The following DIPK2A variants were observed in gnomAD, a reference collection of about 807,000 sequenced individuals.
The protein encoded by DIPK2A is Golgi Protein of 49 kDa.
In DIPK2A, 27 loss-of-function variants were observed where a neutral mutation model predicts 39.0. The ratio of observed to expected loss-of-function variants is 0.69; its 90% CI spans 0.51 to 0.96. The LOEUF (loss-of-function observed/expected upper bound fraction) is 0.96. Ranked by LOEUF, DIPK2A falls within the 40% of genes least tolerant of loss-of-function variation. DIPK2A has a pLI of 0.00. For missense variants in DIPK2A, 528 were observed against 571.3 expected (o/e 0.92, Z 0.77); for synonymous variants, 298 against 240.8 (o/e 1.24, Z -2.20).
At position 143,972,271 on chromosome 3, in the gene DIPK2A, C is replaced by T; in HGVS notation, c.-62C>T. 3.0e-6 allele frequency: 4 copies of T among 1,330,642 alleles called. No individual in the cohort carries two copies. The highest frequency in any genetic ancestry group is 3.8e-6 in the Non-Finnish European group (4 of 1,042,516). 82.4% of individuals were successfully genotyped at this position (1,330,642 alleles called of 1,614,324 possible). ...GGTTCCTGCCGGTAGCTCTCCGGGTCTTGGCGCGGCGGGGGCGCCCCGGGG... is the reference window on the plus strand; with the variant it reads ...GGTTCCTGCCGGTAGCTCTCCGGGTTTTGGCGCGGCGGGGGCGCCCCGGGG... On this transcript the variant is annotated 5_prime_UTR_variant, in exon 1 of 3. Coordinates refer to ENST00000315691, the MANE Select transcript of DIPK2A (RefSeq NM_173552.5).
intron 1 of DIPK2A, 42 bp downstream of exon 1, chr3:143,973,031 G>A: frequency 3.9e-6 from 6 of 1,538,194 alleles, no homozygotes; most frequent in Non-Finnish European, 5.2e-6. Context: ...GGGAGGGGCC[G>A]CGCGTGGGAA....
rs1156864149 is a variant in DIPK2A at position 143,972,314 on chromosome 3, T to C, written c.-19T>C. 4 of 1,348,196 alleles carry C rather than the reference T, an allele frequency of 3.0e-6. No homozygotes were observed. The highest frequency in any genetic ancestry group is 1.5e-5 in the African/African-American group (1 of 64,810). 83.5% of individuals were successfully genotyped at this position (1,348,196 alleles called of 1,614,324 possible). A position where few individuals can be genotyped will look rare whatever the true frequency, so the allele number is the denominator to read the frequency against. On this transcript the variant is annotated 5_prime_UTR_variant, in exon 1 of 3. Coordinates refer to ENST00000315691, the MANE Select transcript of DIPK2A (RefSeq NM_173552.5). ...CCCCGGGGGTGCCCTCGCCCTCCCG[T>C]TGCGGGCGGGCGGGCGGTATGTGGC... is the stretch of plus-strand genomic sequence containing the variant.
At chr3:143,982,943 C>T (rs1171691731) in intron 1 of DIPK2A, among the ~76,000 whole-genome samples, 2 of 152,090 alleles carry the variant, frequency 1.3e-5, no homozygotes, top group Non-Finnish European at 2.9e-5. Flanking sequence ...ATCCTAGTCT[C>T]TGATAAAACA....
At chr3:143,986,811 C>T (rs1257326620) in intron 2 of DIPK2A, among the ~76,000 whole-genome samples, 1 of 151,706 alleles carries the variant, frequency 6.6e-6, no homozygotes, top group African/African-American at 2.4e-5. Flanking sequence ...GGTCTAGAAC[C>T]AATTCAGTTA....
intron 1 of DIPK2A, among the ~76,000 whole-genome samples, chr3:143,978,737 A>G (rs952828867): frequency 2.0e-5 from 3 of 146,940 alleles, no homozygotes; most frequent in Non-Finnish European, 4.5e-5. Context: ...ATCTCATTGT[A>G]TATTGATAGG....
intron 1 of DIPK2A, among the ~76,000 whole-genome samples, chr3:143,978,878 A>C (rs1010689885): frequency 9.2e-5 from 14 of 151,758 alleles, no homozygotes; most frequent in African/African-American, 3.4e-4. Flanking sequence ...GTTGGATGGT[A>C]TTGAGCAAGT....
chr3:143,979,076 A>G (rs952982223), intron 1 of DIPK2A, among the ~76,000 whole-genome samples: 3 of 152,154 alleles, frequency 2.0e-5, no homozygotes, highest in African/African-American at 7.2e-5. Flanking sequence ...ATTTTTAGAC[A>G]GCTATAGTAG....
intron 1 of DIPK2A, among the ~76,000 whole-genome samples, chr3:143,977,841 A>T (rs542834609): frequency 6.6e-6 from 1 of 152,196 alleles, no homozygotes; most frequent in South Asian, 2.1e-4. Context: ...GGGGGTGGGG[A>T]CTTTTATTTT....
rs534733199 is a variant in DIPK2A, at chr3:143,989,886, C to A, written c.*45C>A. ...TTTTTCTCCATTTAAACAGCACTGGCTAAAACTAAACCACCAAAAAACGAT... is the reference window on the plus strand; with the variant it reads ...TTTTTCTCCATTTAAACAGCACTGGATAAAACTAAACCACCAAAAAACGAT... On this transcript the variant is annotated 3_prime_UTR_variant, in exon 3 of 3. Transcript: ENST00000315691. The A allele has an allele frequency of 1.4e-6, 2 of 1,443,980 alleles. No homozygotes were observed. The highest frequency in any genetic ancestry group is 1.3e-5 in the South Asian group (1 of 78,916). The allele number at this position is 1,443,980 out of a possible 1,614,324, so 89.4% of individuals were successfully genotyped here. A position where few individuals can be genotyped will look rare whatever the true frequency, so the allele number is the denominator to read the frequency against.
At chr3:143,984,156 G>T (rs2087865919) in intron 1 of DIPK2A, among the ~76,000 whole-genome samples, 1 of 152,204 alleles carries the variant, frequency 6.6e-6, no homozygotes, top group Admixed American at 6.5e-5. Context: ...TTAAGGGAAT[G>T]TTGTGACTGA....
At chr3:143,976,489 C>T (rs925931899) in intron 1 of DIPK2A, among the ~76,000 whole-genome samples, 10 of 149,408 alleles carry the variant, frequency 6.7e-5, no homozygotes, top group African/African-American at 2.0e-4. Flanking sequence ...ATAAATTTTC[C>T]ATCGTATTTG....
At chr3:143,986,408 G>C (rs1331715436) in intron 2 of DIPK2A, among the ~76,000 whole-genome samples, 2 of 152,144 alleles carry the variant, frequency 1.3e-5, no homozygotes, top group African/African-American at 4.8e-5. Flanking sequence ...TGGGATAGAT[G>C]AGTAGTGTCT....
rs1180695365 is a variant in DIPK2A, at chr3:143,972,563, G to C, written c.231G>C (p.Trp77Cys). ...ACGGGCAGGTGGTATTCGAGGCGTG[G>C]GGCCGCTTGCGCCTGCTGGACTTCC... ...FLNGQVVFEA[W>C]GRLRLLDFLN... The change falls in exon 1 of 3, where the codon TGG becomes TGC. Residue 77 changes from tryptophan (W) to cysteine (C), a missense_variant. This residue lies in a region of DIPK2A where 309 missense variants were observed against 289.8 expected (regional missense o/e 1.07). Transcript: ENST00000315691. The C allele has an allele frequency of 1.2e-6, 2 of 1,612,352 alleles. No individual in the cohort carries two copies. The highest frequency in any genetic ancestry group is 1.7e-4 in the Middle Eastern group (1 of 6,060).
Position 143,972,425 on chromosome 3 carries a change from C to T in DIPK2A, c.93C>T (p.His31=), listed in dbSNP as rs1229619793. Residue 31 remains histidine, a synonymous_variant, in exon 1 of 3, where the codon CAC becomes CAT. Transcript: ENST00000315691. The part of the protein sequence containing the change: ...LGSLLVLMVL[H]SPSLLASWQR... ...GCCTGTTGGTGCTGATGGTGCTGCA[C>T]TCGCCGTCGCTGCTCGCCTCTTGGC... is the stretch of plus-strand genomic sequence containing the variant. 2.6e-6 allele frequency: 4 copies of T among 1,564,210 alleles called. No homozygotes were observed. In the African/African-American group the frequency reaches 5.4e-5, roughly 21 times the overall value.
chr3:143,989,940 A>C lies in DIPK2A; in HGVS notation c.*99A>C. The C allele has an allele frequency of 1.2e-6, 1 of 853,312 alleles. No homozygotes were observed. Among genetic ancestry groups the C allele is most frequent in the Non-Finnish European group, 1.8e-6 (1 of 551,536 alleles). The allele number at this position is 853,312 out of a possible 1,614,324, so 52.9% of individuals were successfully genotyped here. On this transcript the variant is annotated 3_prime_UTR_variant, in exon 3 of 3. Coordinates refer to ENST00000315691, the MANE Select transcript of DIPK2A (RefSeq NM_173552.5). ...AAAAAATGAAATTTGGAAGTGTTACATTCAGAGGATGATAAACTTGCACTG... is the reference window on the plus strand; with the variant it reads ...AAAAAATGAAATTTGGAAGTGTTACCTTCAGAGGATGATAAACTTGCACTG...
rs2087676289 is a variant in DIPK2A at position 143,972,842 on chromosome 3, C to T, written c.510C>T (p.Cys170=). 2 of 1,566,730 alleles carry T rather than the reference C, an allele frequency of 1.3e-6. No homozygotes were observed. Among genetic ancestry groups the T allele is most frequent in the Admixed American group, 1.8e-5 (1 of 54,156 alleles). Residue 170 remains cysteine, a synonymous_variant, in exon 1 of 3, where the codon TGC becomes TGT. Coordinates refer to ENST00000315691, the MANE Select transcript of DIPK2A (RefSeq NM_173552.5). Reference sequence around the variant, plus strand: ...AGGGCTGGTCGGACCTGGTGCACTGCCCCTCGCAGCGCCTTCTCGACCGCC... The same window carrying T: ...AGGGCTGGTCGGACCTGGTGCACTGTCCCTCGCAGCGCCTTCTCGACCGCC... The part of the protein sequence containing the change: ...AVEGWSDLVH[C]PSQRLLDRLV...
intron 1 of DIPK2A, 190 bp downstream of exon 1, chr3:143,973,179 T>A (rs1263587795): frequency 3.0e-6 from 3 of 992,858 alleles, no homozygotes; most frequent in Admixed American, 2.0e-5. Context: ...GCGACCCCGC[T>A]GATGGAGAGT....
chr3:143,987,021 C>A (rs1191985247), intron 2 of DIPK2A, among the ~76,000 whole-genome samples: 2 of 152,078 alleles, frequency 1.3e-5, no homozygotes, highest in South Asian at 2.1e-4. Context: ...CTATTAAATA[C>A]TTGATTTTTC....
chr3:143,973,080 C>T, intron 1 of DIPK2A, 91 bp downstream of exon 1: 2 of 1,454,808 alleles, frequency 1.4e-6, no homozygotes, highest in South Asian at 1.3e-5. Context: ...CGCTTGCCGC[C>T]AGTTCGGACT....
Sources: allele counts gnomAD v4.1 joint callset (sites outside exome capture counted in the v4.1 genomes callset), GRCh38; gene constraint gnomAD v4.1.1; regional missense constraint gnomAD v4.1.1; transcripts MANE v1.5; gene names NCBI Gene and HGNC (gene_info 2026-07-23, HGNC 2026-07-21).